The following NUGGC variants were observed in gnomAD, a reference collection of about 807,000 sequenced individuals.
The protein encoded by NUGGC is nuclear GTPase SLIP-GC.
In NUGGC, 58 loss-of-function variants were observed where a neutral mutation model predicts 92.6. The observed-to-expected ratio is 0.63, with a 90% CI of 0.51 to 0.78. The LOEUF (loss-of-function observed/expected upper bound fraction) is 0.78. NUGGC is among the 30% of genes least tolerant of loss of function. NUGGC has a pLI of 0.00. For synonymous variants in NUGGC, 376 were observed against 366.4 expected (o/e 1.03, Z -0.30); for missense variants, 925 against 964.6 (o/e 0.96, Z 0.54).
Position 28,065,261 on chromosome 8 carries a change from C to T in NUGGC, c.712-530G>A, listed in dbSNP as rs537228833. On this transcript the variant is annotated intron_variant, in intron 6 of 18. Coordinates refer to ENST00000413272, the MANE Select transcript of NUGGC (RefSeq NM_001010906.2). Reference sequence around the variant, plus strand: ...CTACAAGCTCCGCCTCCCGGGTTCACGCCATTCTCCTGCCTGACTCCCCAG... The same window carrying T: ...CTACAAGCTCCGCCTCCCGGGTTCATGCCATTCTCCTGCCTGACTCCCCAG... Among the ~76,000 whole-genome samples, 47 of 149,566 alleles carry T rather than the reference C, an allele frequency of 3.1e-4. No homozygotes were observed. In the South Asian group the frequency reaches 9.1e-3, roughly 29 times the overall value.
intron 13 of NUGGC, among the ~76,000 whole-genome samples, chr8:28,034,995 T>C (rs925784923): frequency 1.3e-5 from 2 of 152,198 alleles, no homozygotes; most frequent in Non-Finnish European, 2.9e-5. Flanking sequence ...AAAGATACAT[T>C]GTTTATTTGA....
At chr8:28,044,868 C>G (rs533700103) in intron 12 of NUGGC, among the ~76,000 whole-genome samples, 2 of 152,288 alleles carry the variant, frequency 1.3e-5, no homozygotes, top group East Asian at 3.9e-4. Flanking sequence ...TGACTGACGA[C>G]AGTAAGAGGT....
intron 12 of NUGGC, among the ~76,000 whole-genome samples, chr8:28,045,292 T>C (rs983707546): frequency 1.4e-4 from 22 of 152,176 alleles, no homozygotes; most frequent in African/African-American, 4.6e-4. Flanking sequence ...TAGCTACTAT[T>C]TTGACATTTT....
chr8:28,064,787 C>T, intron 6 of NUGGC, 56 bp from the exon 7 acceptor site: 1 of 1,486,898 alleles, frequency 6.7e-7, no homozygotes, highest in Non-Finnish European at 9.3e-7. Context: ...TCTGTTCACC[C>T]CGGTTGGCTG....
intron 1 of NUGGC, among the ~76,000 whole-genome samples, chr8:28,080,400 A>G (rs117668796): frequency 0.034 from 5,173 of 152,278 alleles, 115 homozygotes; most frequent in Non-Finnish European, 0.05. Context: ...CTTTTCCCCT[A>G]GTTATTCTCC....
rs1809161662 is a variant in NUGGC, at chr8:28,023,187, G to C, written c.*130C>G. ...TAGGAGTTCGAGGCTGCAGTGAGCT[G>C]TGATGGTGCCACTGCACTCCAGCCT... On this transcript the variant is annotated 3_prime_UTR_variant, in exon 19 of 19. Coordinates refer to ENST00000413272, the MANE Select transcript of NUGGC (RefSeq NM_001010906.2). 2.0e-6 allele frequency: 2 copies of C among 999,134 alleles called. No homozygotes were observed. The highest frequency in any genetic ancestry group is 3.2e-5 in the African/African-American group (2 of 61,704). The allele number at this position is 999,134 out of a possible 1,614,324, so 61.9% of individuals were successfully genotyped here. A position where few individuals can be genotyped will look rare whatever the true frequency, so the allele number is the denominator to read the frequency against.
At chr8:28,080,740 A>G (rs955943734) in intron 1 of NUGGC, among the ~76,000 whole-genome samples, 1 of 152,220 alleles carries the variant, frequency 6.6e-6, no homozygotes, top group African/African-American at 2.4e-5. Flanking sequence ...TTATCCATCC[A>G]TTCATTCAAC....
chr8:28,040,567 G>T (rs1423628968), intron 13 of NUGGC, among the ~76,000 whole-genome samples: 2 of 151,864 alleles, frequency 1.3e-5, no homozygotes, highest in Non-Finnish European at 2.9e-5. Flanking sequence ...GTCCTTTCAA[G>T]ACACAGATGA....
chr8:28,042,582 C>A (rs1463320809), intron 12 of NUGGC, among the ~76,000 whole-genome samples: 1 of 152,168 alleles, frequency 6.6e-6, no homozygotes, highest in Non-Finnish European at 1.5e-5. Context: ...GTCCTGTGCT[C>A]CCACTGCACT....
At position 28,046,680 on chromosome 8, in the gene NUGGC, A is replaced by ATTTT. The variant is rs4054869; in HGVS notation, c.1312+823_1312+826dup. On this transcript the variant is annotated intron_variant, in intron 11 of 18. Coordinates refer to ENST00000413272, the MANE Select transcript of NUGGC (RefSeq NM_001010906.2). ...AGGGGACTAAGGAAATGATAACCCAATTTTTTTTTTTTTTTTTGAGACGAA... is the reference window on the plus strand; with the variant it reads ...AGGGGACTAAGGAAATGATAACCCAATTTTTTTTTTTTTTTTTTTTTGAGACGAA... Among the ~76,000 whole-genome samples the ATTTT allele has an allele frequency of 2.8e-3, 387 of 139,606 alleles. 5 individuals are homozygous for ATTTT. The highest frequency in any genetic ancestry group is 7.5e-3 in the Middle Eastern group (2 of 268). The allele number at this position is 139,606 out of a possible 152,430, so 91.6% of individuals were successfully genotyped here. A position where few individuals can be genotyped will look rare whatever the true frequency, so the allele number is the denominator to read the frequency against.
At chr8:28,062,336 G>C (rs1196131688) in intron 7 of NUGGC, among the ~76,000 whole-genome samples, 1 of 152,140 alleles carries the variant, frequency 6.6e-6, no homozygotes, top group Admixed American at 6.5e-5. Context: ...TTTGGGCTCT[G>C]GGCCAGATGT....
Position 28,055,970 on chromosome 8 carries a change from G to A in NUGGC, c.1201C>T (p.Leu401=), listed in dbSNP as rs1246324909. The change falls in exon 10 of 19, where the codon CTG becomes TTG. Residue 401 remains leucine (L), a synonymous_variant. Transcript: ENST00000413272. The part of the protein sequence containing the change: ...LQRTRILKEK[L]KRKLPADFKV... The stretch of plus-strand genomic sequence containing the variant: ...AGAGAAACCTATTAACTCACCTTCA[G>A]TTTTTCCTTGAGAATTCTAGTCCTT... The A allele has an allele frequency of 2.0e-6, 3 of 1,515,128 alleles. No individual in the cohort carries two copies. The highest frequency in any genetic ancestry group is 2.7e-6 in the Non-Finnish European group (3 of 1,111,294). The allele number at this position is 1,515,128 out of a possible 1,614,324, so 93.9% of individuals were successfully genotyped here.
chr8:28,074,362 T>A lies in NUGGC; in HGVS notation c.43+6A>T, dbSNP rs769684782. ...CCTCCATCAGAAGATACTGCAAAGA[T>A]GTTACCTGGATGCGGTTCCTGGCCA... On this transcript the variant is annotated splice_donor_region_variant and intron_variant, in intron 2 of 18. Coordinates refer to ENST00000413272, the MANE Select transcript of NUGGC (RefSeq NM_001010906.2). 1 of 1,605,700 alleles carries A rather than the reference T, an allele frequency of 6.2e-7. No individual in the cohort carries two copies. Among genetic ancestry groups the A allele is most frequent in the Non-Finnish European group, 8.5e-7 (1 of 1,172,444 alleles).
intron 10 of NUGGC, among the ~76,000 whole-genome samples, chr8:28,051,049 C>G (rs1470019570): frequency 1.3e-5 from 2 of 152,088 alleles, no homozygotes; most frequent in Non-Finnish European, 2.9e-5. Flanking sequence ...GTCTTGAACT[C>G]CTGGCCTCAT....
intron 16 of NUGGC, 96 bp from the exon 17 acceptor site, chr8:28,029,498 C>T: frequency 7.0e-7 from 1 of 1,429,438 alleles, no homozygotes; most frequent in Non-Finnish European, 9.5e-7. Flanking sequence ...CCTGTAATCC[C>T]AGCGCTTTGG....
At chr8:28,034,179 AT>A (rs1809494380) in intron 13 of NUGGC, among the ~76,000 whole-genome samples, 1 of 152,242 alleles carries the variant, frequency 6.6e-6, no homozygotes, top group Non-Finnish European at 1.5e-5. Flanking sequence ...GATAGTCCAG[AT>A]TTCATAAACT....
intron 10 of NUGGC, among the ~76,000 whole-genome samples, chr8:28,049,307 G>A (rs182371499): frequency 2.2e-3 from 342 of 152,214 alleles, no homozygotes; most frequent in African/African-American, 7.8e-3. Context: ...ATTTTGCTTT[G>A]ATTGAGTTTT....
intron 17 of NUGGC, among the ~76,000 whole-genome samples, chr8:28,027,781 C>T (rs1436946943): frequency 2.6e-5 from 4 of 152,170 alleles, no homozygotes; most frequent in Non-Finnish European, 1.5e-5. Context: ...GCTTCCTCAT[C>T]TTTAAGATCA....
rs550886263 is a variant in NUGGC at position 28,059,097 on chromosome 8, T to C, written c.1098-821A>G. On this transcript the variant is annotated intron_variant, in intron 8 of 18. Transcript: ENST00000413272. ...GGGGAGAAATGCAGGAGGAAAAAAA[T>C]GAAGCTGCAATTCCAACCCAGACCA... 2.0e-5 allele frequency among the ~76,000 whole-genome samples: 3 copies of C among 152,054 alleles called. No homozygotes were observed. In the East Asian group the frequency reaches 5.8e-4, roughly 29 times the overall value.
Sources: gnomAD v4.1 joint callset for allele counts (sites outside exome capture counted in the v4.1 genomes callset) on GRCh38, gnomAD v4.1.1 for gene constraint, MANE v1.5 for transcripts, NCBI Gene and HGNC (gene_info 2026-07-23, HGNC 2026-07-21) for gene names.